CDC42: variants seen among roughly 807,000 people sequenced by gnomAD.
CDC42 encodes cell division cycle 42.
CDC42 carries 1 observed loss-of-function variant against 20.8 expected under a neutral mutation model. That is an observed-to-expected ratio of 0.05 (90% confidence interval 0.02 to 0.23). The LOEUF is 0.23. CDC42 is among the 10% of genes least tolerant of loss of function. CDC42 has a pLI of 1.00. For synonymous variants in CDC42, 72 were observed against 84.8 expected (o/e 0.85, Z 0.83); for missense variants, 49 against 227.9 (o/e 0.21, Z 5.05).
At chr1:22,073,369 TCTA>T (rs1161389031) in intron 1 of CDC42, among the ~76,000 whole-genome samples, 1 of 151,822 alleles carries the variant, frequency 6.6e-6, no homozygotes, top group East Asian at 1.9e-4. Flanking sequence ...AAACCCCGTC[TCTA>T]CTAAAAAAAT....
rs532268551 is a variant in CDC42 at position 22,093,569 on chromosome 1, A to G, written c.*2052A>G. ...CCTTAAAATCAGTTAAGGTTGGTAC[A>G]CTGTGGCCTCATTTTGATAGTTCTC... On this transcript the variant is annotated 3_prime_UTR_variant, in exon 6 of 6. Coordinates refer to ENST00000656825, the MANE Select transcript of CDC42 (RefSeq NM_001791.4). Among the ~76,000 whole-genome samples, 1 of 152,330 alleles carries G rather than the reference A, an allele frequency of 6.6e-6. No individual in the cohort carries two copies. The highest frequency in any genetic ancestry group is 1.9e-4 in the East Asian group (1 of 5,190).
In CDC42 at chr1:22,099,955, T is replaced by C. The variant is rs1645779735; in HGVS notation, c.*8438T>C. Among the ~76,000 whole-genome samples the C allele has an allele frequency of 6.6e-6, 1 of 151,474 alleles. No individual in the cohort carries two copies. The highest frequency in any genetic ancestry group is 2.4e-5 in the African/African-American group (1 of 41,146). On this transcript the variant is annotated 3_prime_UTR_variant, in exon 6 of 6. Transcript: ENST00000656825. ...ATTCAGAGCTAGTAAGTGAGGGAAC[T>C]GGGATTTGAATTTAAGCAGTCTGTC...
At chr1:22,079,557 G>A (rs1471936136) in intron 2 of CDC42, among the ~76,000 whole-genome samples, 1 of 152,190 alleles carries the variant, frequency 6.6e-6, no homozygotes, top group Non-Finnish European at 1.5e-5. Flanking sequence ...AAGGTAGTGA[G>A]ACCCTGTCTC....
At chr1:22,079,248 C>T (rs554600810) in intron 2 of CDC42, among the ~76,000 whole-genome samples, 67 of 151,854 alleles carry the variant, frequency 4.4e-4, no homozygotes, top group African/African-American at 1.6e-3. Context: ...AAGCAGTTCT[C>T]CTGCCTCAGC....
At chr1:22,067,171 G>A (rs1271936783) in intron 1 of CDC42, among the ~76,000 whole-genome samples, 3 of 152,138 alleles carry the variant, frequency 2.0e-5, no homozygotes, top group African/African-American at 4.8e-5. Context: ...TGTTTAGTCC[G>A]TTTAGGCTTC....
chr1:22,060,576 A>C (rs1000386391), intron 1 of CDC42, among the ~76,000 whole-genome samples: 1 of 152,158 alleles, frequency 6.6e-6, no homozygotes, highest in Non-Finnish European at 1.5e-5. Flanking sequence ...ACAGTTTAGG[A>C]GTATTTGTAA....
At chr1:22,084,373 C>T in intron 3 of CDC42, among the ~76,000 whole-genome samples, 2 of 120,744 alleles carry the variant, frequency 1.7e-5, no homozygotes, top group Non-Finnish European at 1.6e-5. Context: ...TTGTAGCCAT[C>T]CTAATTAGTG....
At chr1:22,054,950 T>A (rs1172682621) in intron 1 of CDC42, among the ~76,000 whole-genome samples, 2,520 of 51,536 alleles carry the variant, frequency 0.049, 208 homozygotes, top group Non-Finnish European at 0.058. Flanking sequence ...TTTTTTTTTT[T>A]TTTTTTTTTT....
Position 22,095,023 on chromosome 1 carries a change from T to C in CDC42, c.*3506T>C, listed in dbSNP as rs1284648962. The stretch of plus-strand genomic sequence containing the variant: ...AGAAGGATTGAAACTTAGTCCTTGC[T>C]GGGTACAAATTTAGAAATTTGTTAT... On this transcript the variant is annotated 3_prime_UTR_variant, in exon 6 of 6. Transcript: ENST00000656825. Among the ~76,000 whole-genome samples, 1 of 152,160 alleles carries C rather than the reference T, an allele frequency of 6.6e-6. No individual in the cohort carries two copies. Among genetic ancestry groups the C allele is most frequent in the Non-Finnish European group, 1.5e-5 (1 of 68,022 alleles).
intron 1 of CDC42, among the ~76,000 whole-genome samples, chr1:22,062,840 A>G (rs1645381908): frequency 6.7e-6 from 1 of 149,128 alleles, no homozygotes; most frequent in African/African-American, 2.5e-5. Flanking sequence ...AAACGTCTTT[A>G]TAACTTTGTC....
rs541261577 is a variant in CDC42 at position 22,097,574 on chromosome 1, G to A, written c.*6057G>A. On this transcript the variant is annotated 3_prime_UTR_variant, in exon 6 of 6. Transcript: ENST00000656825. ...TGTATTCTTAAGTCCGCCTTTCAAA[G>A]TTGAGTACTGCATTCTTGCGGCTCT... Among the ~76,000 whole-genome samples the A allele has an allele frequency of 9.2e-5, 14 of 152,340 alleles. No homozygotes were observed. The highest frequency in any genetic ancestry group is 2.6e-4 in the Admixed American group (4 of 15,308).
intron 3 of CDC42, 42 bp from the exon 4 acceptor site, chr1:22,086,397 A>T (rs747953542): frequency 7.4e-7 from 1 of 1,357,568 alleles, no homozygotes; most frequent in Admixed American, 1.9e-5. Flanking sequence ...GGACACCAAG[A>T]TTCAGTTGCT....
intron 1 of CDC42, among the ~76,000 whole-genome samples, chr1:22,062,731 A>T (rs572570675): frequency 0.054 from 41 of 764 alleles, 1 homozygote; most frequent in East Asian, 0.31. Flanking sequence ...GGCTCTATTT[A>T]AAAAAAAAAA....
At chr1:22,055,773 C>G (rs1645298559) in intron 1 of CDC42, among the ~76,000 whole-genome samples, 1 of 151,892 alleles carries the variant, frequency 6.6e-6, no homozygotes, top group Non-Finnish European at 1.5e-5. Context: ...TAGGCATGAG[C>G]TGCTGTGCCG....
intron 1 of CDC42, chr1:22,068,727 T>C: frequency 6.6e-6 from 1 of 152,510 alleles, no homozygotes. Flanking sequence ...TTTATTTTCT[T>C]CCTCTTCTAG....
chr1:22,078,311 T>A, intron 1 of CDC42, 118 bp from the exon 2 acceptor site: 1 of 518,272 alleles, frequency 1.9e-6, no homozygotes, highest in Admixed American at 3.6e-5. Context: ...TGGGTTCTTT[T>A]AGCCATAATA....
chr1:22,088,626 G>C (rs1645686233), intron 5 of CDC42, among the ~76,000 whole-genome samples: 1 of 152,160 alleles, frequency 6.6e-6, no homozygotes, highest in African/African-American at 2.4e-5. Context: ...GCAAAGATTA[G>C]TTTTGTTTCA....
At chr1:22,083,960 T>C (rs1322731912) in intron 3 of CDC42, among the ~76,000 whole-genome samples, 2 of 152,198 alleles carry the variant, frequency 1.3e-5, no homozygotes, top group Non-Finnish European at 2.9e-5. Context: ...GTTGTCCATG[T>C]TGTGTGTATT....
At chr1:22,053,109 T>A (rs892132219) in intron 1 of CDC42, among the ~76,000 whole-genome samples, 16 of 150,930 alleles carry the variant, frequency 1.1e-4, no homozygotes, top group Admixed American at 1.1e-3. Flanking sequence ...CCCGGCGGGC[T>A]CCTAAGGGCG....
Sources: gnomAD v4.1 joint callset for allele counts (sites outside exome capture counted in the v4.1 genomes callset) on GRCh38, gnomAD v4.1.1 for gene constraint, MANE v1.5 for transcripts, NCBI Gene and HGNC (gene_info 2026-07-23, HGNC 2026-07-21) for gene names.